ANKRD30A: variants seen among roughly 807,000 people sequenced by gnomAD.
The protein encoded by ANKRD30A is ankyrin repeat domain-containing protein 30A.
ANKRD30A carries 170 observed loss-of-function variants against 166.3 expected under a neutral mutation model. The observed-to-expected ratio is 1.02, with a 90% confidence interval of 0.90 to 1.16. ANKRD30A has a LOEUF of 1.16. Among genes scored for constraint, ANKRD30A ranks in the 50% most tolerant of loss-of-function variants. The pLI, the probability that ANKRD30A is intolerant of heterozygous loss-of-function variation, is 0.00. For missense variants in ANKRD30A, 1,630 were observed against 1,518.0 expected (o/e 1.07, Z -1.23); for synonymous variants, 564 against 508.9 (o/e 1.11, Z -1.46).
chr10:37,237,594 C>A, the ANKRD30A span, among the ~76,000 whole-genome samples: 1 of 151,938 alleles, frequency 6.6e-6, no homozygotes, highest in South Asian at 2.1e-4. Context: ...ATTTTCTCAC[C>A]TTCTATTTAA....
At chr10:37,235,870 C>T (rs1011576210), downstream of ANKRD30A, among the ~76,000 whole-genome samples, 10 of 150,506 alleles carry the variant, frequency 6.6e-5, no homozygotes, top group Admixed American at 2.0e-4. Context: ...CCCAGGTTCA[C>T]GCCATTCTCC....
intron 24 of ANKRD30A, among the ~76,000 whole-genome samples, chr10:37,178,059 A>T (rs1394859657): frequency 2.6e-5 from 4 of 151,268 alleles, no homozygotes; most frequent in African/African-American, 9.7e-5. Context: ...GACAGAGCGT[A>T]CAGAGAGTAC....
At chr10:37,199,963 A>T (rs1280364657) in intron 30 of ANKRD30A, among the ~76,000 whole-genome samples, 175 bp downstream of exon 30, 1 of 152,108 alleles carries the variant, frequency 6.6e-6, no homozygotes, top group African/African-American at 2.4e-5. Context: ...ACTGCTTCAC[A>T]GTGATATTGT....
At chr10:37,199,345 G>C (rs190807998) in intron 29 of ANKRD30A, among the ~76,000 whole-genome samples, 4 of 151,938 alleles carry the variant, frequency 2.6e-5, no homozygotes, top group African/African-American at 7.2e-5. Flanking sequence ...GTCAATCAAC[G>C]TAAGTAATAC....
At chr10:37,241,851 A>G in the ANKRD30A span, 1 of 152,188 alleles carries the variant, frequency 6.6e-6, no homozygotes, top group African/African-American at 2.4e-5. Context: ...TCTTAAAATT[A>G]AAGAAAAGTT....
At chr10:37,149,585 T>C in intron 9 of ANKRD30A, 66 bp from the exon 10 acceptor site, 2 of 1,530,448 alleles carry the variant, frequency 1.3e-6, no homozygotes, top group Non-Finnish European at 1.8e-6. Context: ...ATACTATGAC[T>C]GCATTCATTT....
intron 25 of ANKRD30A, among the ~76,000 whole-genome samples, chr10:37,190,838 G>A (rs1250248761): frequency 1.3e-5 from 2 of 151,536 alleles, no homozygotes; most frequent in African/African-American, 2.4e-5. Context: ...ATATATAGAT[G>A]TATGTATGTA....
At chr10:37,151,104 A>G (rs111728438) in intron 11 of ANKRD30A, among the ~76,000 whole-genome samples, 43 of 150,702 alleles carry the variant, frequency 2.9e-4, no homozygotes, top group African/African-American at 9.8e-4. Context: ...CCAGGTATAC[A>G]GTTGATGGAT....
chr10:37,212,376 A>T (rs1006406881), intron 31 of ANKRD30A, among the ~76,000 whole-genome samples: 1 of 152,086 alleles, frequency 6.6e-6, no homozygotes, highest in Non-Finnish European at 1.5e-5. Flanking sequence ...AAGAGGATAC[A>T]AACAAATGGA....
chr10:37,137,400 T>C (rs961463555), intron 6 of ANKRD30A, among the ~76,000 whole-genome samples: 3 of 152,188 alleles, frequency 2.0e-5, no homozygotes, highest in African/African-American at 7.2e-5. Context: ...TGCAGCGCAC[T>C]GAGCATGAGC....
chr10:37,244,170 C>G, the ANKRD30A span, among the ~76,000 whole-genome samples: 1 of 152,054 alleles, frequency 6.6e-6, no homozygotes, highest in Admixed American at 6.6e-5. Flanking sequence ...GGAGGGAACC[C>G]TATTATTATA....
chr10:37,153,848 G>A (rs529892545), intron 13 of ANKRD30A, among the ~76,000 whole-genome samples, 186 bp downstream of exon 13: 126 of 152,194 alleles, frequency 8.3e-4, no homozygotes, highest in African/African-American at 2.9e-3. Flanking sequence ...TGAGAGTGCT[G>A]AAAAGGAGCT....
intron 25 of ANKRD30A, among the ~76,000 whole-genome samples, chr10:37,191,958 G>A (rs1474093280): frequency 6.6e-6 from 1 of 152,054 alleles, no homozygotes; most frequent in Non-Finnish European, 1.5e-5. Context: ...TTACATTATT[G>A]TAACATTGAA....
At chr10:37,179,035 TA>T (rs1564529068) in intron 24 of ANKRD30A, among the ~76,000 whole-genome samples, 5 of 57,290 alleles carry the variant, frequency 8.7e-5, no homozygotes, top group African/African-American at 2.3e-4. Context: ...TATATATATA[TA>T]TATATATATA....
At chr10:37,152,221 A>C in intron 12 of ANKRD30A, 100 bp downstream of exon 12, 1 of 972,798 alleles carries the variant, frequency 1.0e-6, no homozygotes. Context: ...TTCATATGTC[A>C]CCCCGAAATT....
chr10:37,161,114 C>T (rs572949522), intron 15 of ANKRD30A, among the ~76,000 whole-genome samples: 9 of 152,072 alleles, frequency 5.9e-5, no homozygotes, highest in Non-Finnish European at 7.4e-5. Context: ...ATTAGTCGGA[C>T]GTGGTGGCAC....
chr10:37,165,933 A>C (rs1839292132), intron 18 of ANKRD30A, among the ~76,000 whole-genome samples: 2 of 152,092 alleles, frequency 1.3e-5, no homozygotes. Context: ...TTTATCTGAT[A>C]TTTTATTAGA....
At chr10:37,155,466 C>G (rs1354711410) in intron 13 of ANKRD30A, among the ~76,000 whole-genome samples, 8 of 152,166 alleles carry the variant, frequency 5.3e-5, no homozygotes, top group Non-Finnish European at 1.2e-4. Context: ...TAGCTGAACT[C>G]TCATCTGAAC....
downstream of ANKRD30A, among the ~76,000 whole-genome samples, chr10:37,236,987 T>C (rs1305299046): frequency 6.6e-6 from 1 of 152,246 alleles, no homozygotes; most frequent in Non-Finnish European, 1.5e-5. Context: ...TGTTATGATA[T>C]TAGTTTCTAT....
Sources: gnomAD v4.1 joint callset for allele counts (sites outside exome capture counted in the v4.1 genomes callset) on GRCh38, gnomAD v4.1.1 for gene constraint, MANE v1.5 for transcripts, NCBI Gene and HGNC (gene_info 2026-07-23, HGNC 2026-07-21) for gene names.